The following RALYL variants were observed in gnomAD, a reference collection of about 807,000 sequenced individuals.
RALYL encodes RNA-binding Raly-like protein.
Under a neutral mutation model 35.1 loss-of-function variants are expected in RALYL, and 29 were observed. That is an observed-to-expected ratio of 0.83 (90% CI 0.61 to 1.13). The LOEUF (loss-of-function observed/expected upper bound fraction) is 1.13, where lower values mean the gene tolerates loss of function less well. RALYL is among the 50% of genes most tolerant of loss of function. The pLI is 0.00. For synonymous variants in RALYL, 120 were observed against 127.6 expected, an observed-to-expected ratio of 0.94 and a Z score of 0.40; for missense variants, 359 against 360.4, an observed-to-expected ratio of 1.00 and a Z score of 0.03.
chr8:84,471,900 A>G (rs2052804302), intron 1 of RALYL, among the ~76,000 whole-genome samples: 1 of 152,230 alleles, frequency 6.6e-6, no homozygotes, highest in Non-Finnish European at 1.5e-5. Context: ...TGTTATATAA[A>G]TAAACTTGGT....
intron 1 of RALYL, among the ~76,000 whole-genome samples, chr8:84,210,138 G>A (rs780016368): frequency 6.6e-6 from 1 of 152,026 alleles, no homozygotes; most frequent in Non-Finnish European, 1.5e-5. Flanking sequence ...TTTTTGAAAT[G>A]CACCCTACTT....
intron 2 of RALYL, among the ~76,000 whole-genome samples, chr8:84,641,089 T>G (rs925665115): frequency 6.6e-6 from 1 of 151,574 alleles, no homozygotes; most frequent in Non-Finnish European, 1.5e-5. Context: ...GAATTTATCA[T>G]TCATATAAAC....
chr8:84,584,232 G>T (rs757771188), intron 2 of RALYL, among the ~76,000 whole-genome samples: 1 of 152,162 alleles, frequency 6.6e-6, no homozygotes, highest in African/African-American at 2.4e-5. Context: ...TATAAGAATA[G>T]ATCATATGGC....
chr8:84,542,765 A>C (rs1422120312), intron 2 of RALYL, among the ~76,000 whole-genome samples: 1 of 152,202 alleles, frequency 6.6e-6, no homozygotes, highest in Non-Finnish European at 1.5e-5. Flanking sequence ...GGACTAATAC[A>C]TTATCTCACT....
chr8:84,432,108 T>C (rs2047207058), intron 1 of RALYL, among the ~76,000 whole-genome samples: 1 of 152,130 alleles, frequency 6.6e-6, no homozygotes, highest in African/African-American at 2.4e-5. Context: ...GAAAACAGGG[T>C]CTCAGAGATT....
chr8:84,772,640 T>C (rs1386414892), intron 2 of RALYL, among the ~76,000 whole-genome samples: 1 of 152,134 alleles, frequency 6.6e-6, no homozygotes, highest in Non-Finnish European at 1.5e-5. Context: ...ATGATTGTTG[T>C]ATAGAGATAT....
intron 8 of RALYL, among the ~76,000 whole-genome samples, chr8:84,909,654 G>A (rs1414570160): frequency 1.3e-5 from 2 of 152,050 alleles, no homozygotes; most frequent in African/African-American, 2.4e-5. Context: ...GAAGACTTAC[G>A]TGACTTGAGC....
chr8:84,305,780 A>G (rs1001488672), intron 1 of RALYL, among the ~76,000 whole-genome samples: 3 of 152,214 alleles, frequency 2.0e-5, no homozygotes, highest in African/African-American at 7.2e-5. Context: ...CGCTACTGCA[A>G]TAGTTCAAAA....
chr8:84,567,123 A>C (rs2061835809), intron 2 of RALYL, among the ~76,000 whole-genome samples: 1 of 151,800 alleles, frequency 6.6e-6, no homozygotes, highest in African/African-American at 2.4e-5. Flanking sequence ...AGTTATCTAT[A>C]AATTCTGATC....
At chr8:84,399,151 C>T (rs553744898) in intron 1 of RALYL, among the ~76,000 whole-genome samples, 10 of 152,256 alleles carry the variant, frequency 6.6e-5, no homozygotes, top group Admixed American at 6.5e-4. Flanking sequence ...GTTTCCTGCT[C>T]TAACACAATA....
At chr8:84,625,075 A>G (rs1822435662) in intron 2 of RALYL, among the ~76,000 whole-genome samples, 1 of 152,204 alleles carries the variant, frequency 6.6e-6, no homozygotes, top group South Asian at 2.1e-4. Context: ...GTCCTTTTCA[A>G]AATATGAAAA....
intron 1 of RALYL, among the ~76,000 whole-genome samples, chr8:84,460,542 TAA>T (rs1418231636): frequency 6.6e-6 from 1 of 151,408 alleles, no homozygotes; most frequent in East Asian, 1.9e-4. Context: ...CAAGGTTAAT[TAA>T]AAAAGAAAAA....
rs557020747 is a variant in RALYL at position 84,830,241 on chromosome 8, G to T, written c.366-19739G>T. On this transcript the variant is annotated intron_variant, in intron 4 of 8. Coordinates refer to ENST00000521268, the MANE Select transcript of RALYL (RefSeq NM_173848.7). Reference sequence around the variant, plus strand: ...ATAAAAACCCTGCGAGTATTAATTAGGAGGTCACAAACAAATTTTGCAAAG... The same window carrying T: ...ATAAAAACCCTGCGAGTATTAATTATGAGGTCACAAACAAATTTTGCAAAG... Among the ~76,000 whole-genome samples, 11 of 152,172 alleles carry T rather than the reference G, an allele frequency of 7.2e-5. No individual in the cohort carries two copies. In the South Asian group the frequency reaches 2.1e-3, roughly 29 times the overall value.
chr8:84,271,667 A>G (rs1834333751), intron 1 of RALYL, among the ~76,000 whole-genome samples: 1 of 152,030 alleles, frequency 6.6e-6, no homozygotes, highest in Non-Finnish European at 1.5e-5. Flanking sequence ...AGTAAATGGA[A>G]TGAATCACTG....
chr8:84,597,047 C>A (rs1814722610), intron 2 of RALYL, among the ~76,000 whole-genome samples: 1 of 152,024 alleles, frequency 6.6e-6, no homozygotes. Context: ...GGAAAACGAA[C>A]CTTTTAAAAG....
intron 1 of RALYL, among the ~76,000 whole-genome samples, chr8:84,246,005 A>G (rs892458574): frequency 1.3e-5 from 2 of 152,172 alleles, no homozygotes; most frequent in African/African-American, 4.8e-5. Context: ...ATGTAATATC[A>G]TGTGTTGGTA....
chr8:84,335,715 T>TTTTTTC (rs917283542), intron 1 of RALYL, among the ~76,000 whole-genome samples: 2 of 142,390 alleles, frequency 1.4e-5, no homozygotes, highest in African/African-American at 5.5e-5. Flanking sequence ...TTACCTTTTT[T>TTTTTTC]TTTTTTTTTT....
intron 1 of RALYL, among the ~76,000 whole-genome samples, chr8:84,191,947 TCAA>T (rs200299988): frequency 0.051 from 7,820 of 152,234 alleles, 264 homozygotes; most frequent in Non-Finnish European, 0.068. Context: ...TCAAAGATGA[TCAA>T]CAAGTGATAA....
chr8:84,919,695 C>T (rs1849025997), intron 8 of RALYL, among the ~76,000 whole-genome samples: 3 of 152,128 alleles, frequency 2.0e-5, no homozygotes, highest in Middle Eastern at 3.4e-3. Flanking sequence ...AATACAGTGT[C>T]AAAATGTCTT....
Sources: allele counts gnomAD v4.1 joint callset (sites outside exome capture counted in the v4.1 genomes callset), GRCh38; gene constraint gnomAD v4.1.1; transcripts MANE v1.5; gene names NCBI Gene and HGNC (gene_info 2026-07-23, HGNC 2026-07-21).